The following ITIH5 variants were observed in gnomAD, a reference collection of about 807,000 sequenced individuals.
ITIH5 encodes inter-alpha-trypsin inhibitor heavy chain H5.
A neutral mutation model predicts 77.5 loss-of-function variants in ITIH5; 65 were observed. The ratio of observed to expected loss-of-function variants is 0.84; its 90% CI spans 0.69 to 1.03. ITIH5 has a LOEUF of 1.03. ITIH5 is among the 50% of genes least tolerant of loss of function. The probability of loss-of-function intolerance (pLI) is 0.00; values close to 1 mark genes in which losing one functional copy is unlikely to be tolerated. For synonymous variants in ITIH5, 525 were observed against 494.3 expected, an observed-to-expected ratio of 1.06 and a Z score of -0.82; for missense variants, 1,208 against 1,213.1, an observed-to-expected ratio of 1.00 and a Z score of 0.06.
chr10:7,566,331 G>A lies in ITIH5; in HGVS notation c.2226C>T (p.Arg742=), dbSNP rs1832157161. Reference sequence around the variant, plus strand: ...GCTTGTTGATGAGGATGGTGATAGTGCGCAAGTAAGTGCGCTGTTTCTTGT... The same window carrying A: ...GCTTGTTGATGAGGATGGTGATAGTACGCAAGTAAGTGCGCTGTTTCTTGT... ...NGHKKQRTYL[R]TITILINKPE... Residue 742 remains arginine, a synonymous_variant, in exon 13 of 14, where the codon CGC becomes CGT. Transcript: ENST00000397146. 3.1e-6 allele frequency: 5 copies of A among 1,613,216 alleles called. No individual in the cohort carries two copies. In the East Asian group the frequency reaches 1.1e-4, roughly 36 times the overall value.
Position 7,567,249 on chromosome 10 carries a change from A to G in ITIH5, c.2150-842T>C, listed in dbSNP as rs539135825. 4.6e-5 allele frequency among the ~76,000 whole-genome samples: 7 copies of G among 151,928 alleles called. No homozygotes were observed. The South Asian group carries it at 1.5e-3, about 32-fold the overall frequency. On this transcript the variant is annotated intron_variant, in intron 12 of 13. Coordinates refer to ENST00000397146, the MANE Select transcript of ITIH5 (RefSeq NM_030569.7). ...TTCCTTCCAGTGTGGCTGTAGTGATAAGAACTCTTATATGACCCTGATACA... is the reference window on the plus strand; with the variant it reads ...TTCCTTCCAGTGTGGCTGTAGTGATGAGAACTCTTATATGACCCTGATACA...
intron 2 of ITIH5, among the ~76,000 whole-genome samples, chr10:7,644,546 A>ATGATATATATCACATATATATT (rs1554757643): frequency 8.6e-6 from 1 of 115,776 alleles, no homozygotes; most frequent in East Asian, 2.5e-4. Context: ...TCACATATAT[A>ATGATATATATCACATATATATT]TGATATATCA....
At chr10:7,586,974 G>T (rs1832692356) in intron 7 of ITIH5, among the ~76,000 whole-genome samples, 1 of 152,104 alleles carries the variant, frequency 6.6e-6, no homozygotes, top group Non-Finnish European at 1.5e-5. Flanking sequence ...GGGATTACAG[G>T]TGCACGCCAC....
rs41290271 is a variant in ITIH5, at chr10:7,562,829, C to T, written c.*254G>A. ...TTTAGCTATGACCCTTCTCTCCCCT[C>T]TGTGGATGTGGGCAGGGTGGGGAGA... is the stretch of plus-strand genomic sequence containing the variant. On this transcript the variant is annotated 3_prime_UTR_variant, in exon 14 of 14. Coordinates refer to ENST00000397146, the MANE Select transcript of ITIH5 (RefSeq NM_030569.7). 7,079 of 549,876 alleles carry T rather than the reference C, an allele frequency of 0.013. 83 individuals carry two copies. Among genetic ancestry groups the T allele is most frequent in the South Asian group, 0.026 (1,221 of 46,928 alleles). The allele number at this position is 549,876 out of a possible 1,614,324, so 34.1% of individuals were successfully genotyped here.
intron 8 of ITIH5, 71 bp downstream of exon 8, chr10:7,585,830 A>AAAAC: frequency 1.6e-6 from 2 of 1,224,056 alleles, no homozygotes; most frequent in South Asian, 3.4e-5. Flanking sequence ...CTTGGCAAAA[A>AAAAC]AAAAAAAAAA....
At chr10:7,572,878 A>T in intron 11 of ITIH5, 1 of 296,426 alleles carries the variant, frequency 3.4e-6, no homozygotes, top group Non-Finnish European at 6.2e-6. Context: ...CCCAGGTTCA[A>T]GTGATTCTCC....
chr10:7,659,573 A>G (rs767093369), intron 1 of ITIH5, among the ~76,000 whole-genome samples: 4 of 152,200 alleles, frequency 2.6e-5, no homozygotes, highest in Non-Finnish European at 5.9e-5. Context: ...AACTATGGTC[A>G]GAAGGAAAGC....
Position 7,566,228 on chromosome 10 carries a change from G to T in ITIH5, c.2329C>A (p.Gln777Lys), listed in dbSNP as rs1199834632. The T allele has an allele frequency of 6.2e-7, 1 of 1,613,724 alleles. No homozygotes were observed. The highest frequency in any genetic ancestry group is 1.1e-5 in the South Asian group (1 of 91,026). Residue 777 changes from glutamine (Q) to lysine (K), a missense_variant, in exon 13 of 14, where the codon CAG becomes AAG. Coordinates refer to ENST00000397146, the MANE Select transcript of ITIH5 (RefSeq NM_030569.7). ...CCCCAGCTCCCCACCACCACACTCT[G>T]GTTGCAGGGGAGCACCAGTCTGTCC... ...GGDRLVLPCN[Q>K]SVVVGSWGLE...
intron 8 of ITIH5, 76 bp downstream of exon 8, chr10:7,585,825 C>CA (rs878937206): frequency 0.15 from 120,208 of 826,532 alleles, 10 homozygotes; most frequent in Non-Finnish European, 0.15. Context: ...TATCTCTTGG[C>CA]AAAAAAAAAA....
chr10:7,570,980 C>T (rs978942127), intron 11 of ITIH5, among the ~76,000 whole-genome samples: 12 of 152,150 alleles, frequency 7.9e-5, no homozygotes, highest in South Asian at 2.1e-4. Flanking sequence ...TCTGCATGCA[C>T]GCTGTGCACG....
In ITIH5 at chr10:7,576,305, T is replaced by C. The variant is rs1402095503; in HGVS notation, c.1978+148A>G. The C allele has an allele frequency of 4.1e-6, 3 of 726,696 alleles. No individual in the cohort carries two copies. The Admixed American group carries it at 9.2e-5, about 22-fold the overall frequency. 45.0% of individuals were successfully genotyped at this position (726,696 alleles called of 1,614,324 possible). On this transcript the variant is annotated intron_variant, in intron 10 of 13. Transcript: ENST00000397146. ...TCCCAAAGTGCTGGGATTACAGGTG[T>C]GAGCTACTATACCCGGTCTGGGTTA...
At chr10:7,632,092 C>A (rs994430519) in intron 5 of ITIH5, among the ~76,000 whole-genome samples, 2 of 152,200 alleles carry the variant, frequency 1.3e-5, no homozygotes, top group Admixed American at 1.3e-4. Context: ...AACCACTGCA[C>A]CTGGCCCAAT....
chr10:7,591,177 G>A (rs1368968453), intron 7 of ITIH5, among the ~76,000 whole-genome samples: 2 of 152,238 alleles, frequency 1.3e-5, no homozygotes, highest in African/African-American at 4.8e-5. Flanking sequence ...TTACAGGCGT[G>A]AGCCACTGTG....
intron 5 of ITIH5, among the ~76,000 whole-genome samples, chr10:7,631,041 GA>G (rs34594958): frequency 0.39 from 56,778 of 144,816 alleles, 11,029 homozygotes; most frequent in African/African-American, 0.46. Flanking sequence ...AGCAGCCCAG[GA>G]AAAAAAAAAA....
At chr10:7,605,542 C>G (rs201602492) in intron 7 of ITIH5, among the ~76,000 whole-genome samples, 3 of 151,160 alleles carry the variant, frequency 2.0e-5, no homozygotes, top group South Asian at 2.1e-4. Context: ...CACCCCACCC[C>G]CAACAGCCTA....
At position 7,581,721 on chromosome 10, in the gene ITIH5, C is replaced by CTTTTTTT. The variant is rs142992412; in HGVS notation, c.1109-1664_1109-1658dup. Among the ~76,000 whole-genome samples the CTTTTTTT allele has an allele frequency of 7.2e-4, 73 of 101,714 alleles. 1 individual carries two copies. The highest frequency in any genetic ancestry group is 3.5e-3 in the East Asian group (10 of 2,818). 66.7% of individuals were successfully genotyped at this position (101,714 alleles called of 152,430 possible). A position where few individuals can be genotyped will look rare whatever the true frequency, so the allele number is the denominator to read the frequency against. ...TCCCATGTTTTCTTTTCTTTTCCTT[C>CTTTTTTT]TTTTTTTTTTTTTTTTTTTTTTTAG... On this transcript the variant is annotated intron_variant, in intron 8 of 13. Coordinates refer to ENST00000397146, the MANE Select transcript of ITIH5 (RefSeq NM_030569.7).
intron 1 of ITIH5, among the ~76,000 whole-genome samples, chr10:7,663,152 C>A (rs1834306290): frequency 6.6e-6 from 1 of 152,190 alleles, no homozygotes; most frequent in Non-Finnish European, 1.5e-5. Flanking sequence ...CTGAGAGCCC[C>A]AGCTTTGGTG....
intron 7 of ITIH5, among the ~76,000 whole-genome samples, chr10:7,605,387 A>G (rs1204235459): frequency 6.6e-6 from 1 of 151,020 alleles, no homozygotes; most frequent in Admixed American, 6.6e-5. Context: ...ACTGATTACC[A>G]CCCCATCACG....
At chr10:7,640,911 C>T in intron 3 of ITIH5, 56 bp from the exon 4 acceptor site, 1 of 1,123,868 alleles carries the variant, frequency 8.9e-7, no homozygotes. Context: ...CAAATTCAGA[C>T]ATGGATCTTA....
Sources: gnomAD v4.1 joint callset for allele counts (sites outside exome capture counted in the v4.1 genomes callset) on GRCh38, gnomAD v4.1.1 for gene constraint, MANE v1.5 for transcripts, NCBI Gene and HGNC (gene_info 2026-07-23, HGNC 2026-07-21) for gene names.